Variants in SNX29 observed in about 807,000 individuals in gnomAD.
The protein encoded by SNX29 is sorting nexin-29.
SNX29 carries 78 observed loss-of-function variants against 102.1 expected under a neutral mutation model. That is an observed-to-expected ratio of 0.76 (90% confidence interval 0.64 to 0.92). The LOEUF is 0.92. Ranked by LOEUF, SNX29 falls within the 40% of genes least tolerant of loss-of-function variation. The pLI, the probability that SNX29 is intolerant of heterozygous loss-of-function variation, is 0.00. For missense variants in SNX29, 1,280 were observed against 1,061.7 expected (o/e 1.21, Z -2.86); for synonymous variants, 580 against 414.5 (o/e 1.40, Z -4.85).
intron 14 of SNX29, among the ~76,000 whole-genome samples, chr16:12,216,049 G>A (rs1418992942): frequency 6.6e-6 from 1 of 152,256 alleles, no homozygotes; most frequent in South Asian, 2.1e-4. Flanking sequence ...AGCAGCCTGC[G>A]GAGCTCATCG....
At chr16:12,381,534 C>A (rs1257564121) in intron 16 of SNX29, among the ~76,000 whole-genome samples, 2 of 97,842 alleles carry the variant, frequency 2.0e-5, no homozygotes, top group Non-Finnish European at 4.2e-5. Flanking sequence ...ACCAACCCCC[C>A]ATCATCCATC....
At chr16:11,982,423 G>GTTTTTT (rs60761477) in intron 1 of SNX29, among the ~76,000 whole-genome samples, 24 of 120,368 alleles carry the variant, frequency 2.0e-4, no homozygotes, top group South Asian at 2.6e-4. Context: ...CTTTCCATCA[G>GTTTTTT]TTTTTTTTTT....
At chr16:12,240,223 G>C (rs924143880) in intron 14 of SNX29, among the ~76,000 whole-genome samples, 1 of 152,110 alleles carries the variant, frequency 6.6e-6, no homozygotes, top group Non-Finnish European at 1.5e-5. Context: ...ATTTCTCTAG[G>C]GTCAGCTCCT....
At chr16:12,054,054 G>A (rs911764605) in intron 8 of SNX29, among the ~76,000 whole-genome samples, 2 of 150,372 alleles carry the variant, frequency 1.3e-5, no homozygotes, top group Non-Finnish European at 3.0e-5. Context: ...TGCAAACTCC[G>A]CCTCCCGGGT....
chr16:12,136,883 G>A (rs1023085084), intron 13 of SNX29, among the ~76,000 whole-genome samples: 9 of 152,156 alleles, frequency 5.9e-5, no homozygotes, highest in African/African-American at 2.2e-4. Context: ...GGGATTACAG[G>A]TGCCCGCCAT....
chr16:12,420,781 G>A (rs1400008155), intron 18 of SNX29, among the ~76,000 whole-genome samples: 1 of 152,162 alleles, frequency 6.6e-6, no homozygotes, highest in Admixed American at 6.5e-5. Flanking sequence ...AATGATGGAC[G>A]CATGAGTCAC....
intron 19 of SNX29, among the ~76,000 whole-genome samples, chr16:12,479,993 A>G (rs929429423): frequency 2.0e-5 from 3 of 152,240 alleles, no homozygotes; most frequent in Non-Finnish European, 4.4e-5. Context: ...GCTTTAAGCA[A>G]AATGACATAT....
intron 13 of SNX29, among the ~76,000 whole-genome samples, chr16:12,154,632 G>T (rs2055457669): frequency 6.6e-6 from 1 of 152,088 alleles, no homozygotes; most frequent in Non-Finnish European, 1.5e-5. Context: ...AGTCCATCCG[G>T]GCTACTATAA....
At chr16:12,550,333 G>C (rs756675228) in intron 20 of SNX29, among the ~76,000 whole-genome samples, 86 of 152,254 alleles carry the variant, frequency 5.6e-4, no homozygotes, top group African/African-American at 1.9e-3. Flanking sequence ...GGTCGAGTGT[G>C]AGACCAGCCT....
At position 12,568,768 on chromosome 16, in the gene SNX29, A is replaced by C; in HGVS notation, c.*139A>C. On this transcript the variant is annotated 3_prime_UTR_variant, in exon 21 of 21. Transcript: ENST00000566228. Reference sequence around the variant, plus strand: ...AGAGCACACGATTCCCAACAGTTACACAACACCCCGATTAAACTAATCAGT... The same window carrying C: ...AGAGCACACGATTCCCAACAGTTACCCAACACCCCGATTAAACTAATCAGT... 1 of 1,298,958 alleles carries C rather than the reference A, an allele frequency of 7.7e-7. No homozygotes were observed. Among genetic ancestry groups the C allele is most frequent in the East Asian group, 2.5e-5 (1 of 39,436 alleles). The allele number at this position is 1,298,958 out of a possible 1,614,324, so 80.5% of individuals were successfully genotyped here.
At chr16:12,555,586 C>G (rs1283283688) in intron 20 of SNX29, among the ~76,000 whole-genome samples, 4 of 151,932 alleles carry the variant, frequency 2.6e-5, no homozygotes, top group African/African-American at 4.8e-5. Flanking sequence ...CCATTTCTCC[C>G]TGTACCCAGC....
intron 20 of SNX29, among the ~76,000 whole-genome samples, chr16:12,549,614 G>A (rs1203931216): frequency 6.6e-6 from 1 of 152,178 alleles, no homozygotes. Flanking sequence ...CAGAGTCCTT[G>A]CCCTCCACAC....
chr16:12,551,307 A>G (rs2077962303), intron 20 of SNX29, among the ~76,000 whole-genome samples: 1 of 152,180 alleles, frequency 6.6e-6, no homozygotes, highest in Non-Finnish European at 1.5e-5. Context: ...AGCCCACCAA[A>G]AAGCCACTTG....
chr16:12,210,471 G>A (rs1045145531), intron 14 of SNX29, among the ~76,000 whole-genome samples: 4 of 151,746 alleles, frequency 2.6e-5, no homozygotes, highest in Admixed American at 2.0e-4. Flanking sequence ...TGGGAGCACT[G>A]GTGTCCACCA....
At position 11,999,389 on chromosome 16, in the gene SNX29, G is replaced by T. The variant is rs971808431; in HGVS notation, c.69+31G>T. 6 of 1,610,640 alleles carry T rather than the reference G, an allele frequency of 3.7e-6. No homozygotes were observed. In the East Asian group the frequency reaches 6.7e-5, roughly 18 times the overall value. ...CAGAAAGCACACATTTGCCTTTTTG[G>T]TCGAGTAATAGTGTCAGATAATTAA... On this transcript the variant is annotated intron_variant, in intron 2 of 20. Coordinates refer to ENST00000566228, the MANE Select transcript of SNX29 (RefSeq NM_032167.5).
chr16:12,391,106 C>G (rs573719883), intron 16 of SNX29, among the ~76,000 whole-genome samples: 1 of 152,006 alleles, frequency 6.6e-6, no homozygotes, highest in African/African-American at 2.4e-5. Context: ...CCACCACACC[C>G]AGCTACTTTT....
At chr16:12,555,328 T>G (rs73510251) in intron 20 of SNX29, among the ~76,000 whole-genome samples, 1 of 151,694 alleles carries the variant, frequency 6.6e-6, no homozygotes, top group African/African-American at 2.4e-5. Context: ...CCAGTGTTTC[T>G]TGGCACCTGA....
chr16:12,546,048 T>C (rs937183272), intron 20 of SNX29, among the ~76,000 whole-genome samples: 10 of 152,138 alleles, frequency 6.6e-5, no homozygotes, highest in African/African-American at 2.2e-4. Flanking sequence ...GTACACATGA[T>C]GGGAGTGAAG....
At chr16:12,364,921 G>C (rs919170953) in intron 16 of SNX29, among the ~76,000 whole-genome samples, 7 of 152,272 alleles carry the variant, frequency 4.6e-5, no homozygotes, top group Admixed American at 2.6e-4. Context: ...TCTGTTTGAT[G>C]AGGGAACCAC....
Sources: allele counts gnomAD v4.1 joint callset (sites outside exome capture counted in the v4.1 genomes callset), GRCh38; gene constraint gnomAD v4.1.1; transcripts MANE v1.5; gene names NCBI Gene and HGNC (gene_info 2026-07-23, HGNC 2026-07-21).